Variants in FOXJ3 observed in about 807,000 individuals in gnomAD.
FOXJ3 encodes forkhead box J3.
A neutral mutation model predicts 76.1 loss-of-function variants in FOXJ3; 22 were observed. The ratio of observed to expected loss-of-function variants is 0.29; its 90% CI spans 0.21 to 0.41. The LOEUF is 0.41. Among genes scored for constraint, FOXJ3 ranks in the 10% least tolerant of loss-of-function variants. FOXJ3 has a pLI of 1.00. For synonymous variants in FOXJ3, 269 were observed against 261.2 expected (o/e 1.03, Z -0.29); for missense variants, 613 against 762.1 (o/e 0.80, Z 2.30).
chr1:42,189,889 T>C (rs749548511), intron 9 of FOXJ3: 8 of 153,858 alleles, frequency 5.2e-5, no homozygotes, highest in Non-Finnish European at 1.2e-4. Context: ...AGGCAACACA[T>C]AGTACAATTT....
At chr1:42,278,213 T>C (rs1652439696) in intron 3 of FOXJ3, 135 bp downstream of exon 3, 2 of 696,728 alleles carry the variant, frequency 2.9e-6, no homozygotes. Context: ...AGCTAAAAAC[T>C]TTTTGACATC....
At chr1:42,275,724 A>G (rs1022460453) in intron 3 of FOXJ3, among the ~76,000 whole-genome samples, 7 of 152,248 alleles carry the variant, frequency 4.6e-5, no homozygotes, top group African/African-American at 1.7e-4. Context: ...GATTTGTTGT[A>G]TAACATAAAT....
chr1:42,320,655 G>A (rs1655379028), intron 1 of FOXJ3, among the ~76,000 whole-genome samples: 1 of 151,918 alleles, frequency 6.6e-6, no homozygotes, highest in South Asian at 2.1e-4. Context: ...TATGTTTAAA[G>A]GTATATGAAA....
At chr1:42,199,499 T>C (rs1330580450) in intron 6 of FOXJ3, among the ~76,000 whole-genome samples, 1 of 152,154 alleles carries the variant, frequency 6.6e-6, no homozygotes, top group Non-Finnish European at 1.5e-5. Context: ...CCCATAAACA[T>C]TTAACAAGAG....
chr1:42,238,110 G>A (rs929939969), intron 4 of FOXJ3, among the ~76,000 whole-genome samples: 1 of 151,984 alleles, frequency 6.6e-6, no homozygotes, highest in African/African-American at 2.4e-5. Context: ...CTCACTCACT[G>A]CAACCTCCAC....
chr1:42,229,860 T>C (rs780775120), intron 4 of FOXJ3, among the ~76,000 whole-genome samples: 3 of 152,182 alleles, frequency 2.0e-5, no homozygotes, highest in African/African-American at 4.8e-5. Flanking sequence ...CATTGGACAA[T>C]AGTTTAAAAA....
chr1:42,222,028 G>GA (rs1366266260), intron 5 of FOXJ3, among the ~76,000 whole-genome samples: 1 of 1,996 alleles, frequency 5.0e-4, no homozygotes, highest in Non-Finnish European at 1.3e-3. Context: ...GAAGGGGGAG[G>GA]GGGAGGAGAA....
intron 3 of FOXJ3, among the ~76,000 whole-genome samples, chr1:42,277,881 G>A (rs1652404576): frequency 6.7e-6 from 1 of 149,562 alleles, no homozygotes. Context: ...GGAGGCTGAG[G>A]CAGGAGAATG....
intron 5 of FOXJ3, among the ~76,000 whole-genome samples, chr1:42,222,113 A>G (rs1647234418): frequency 6.7e-6 from 1 of 149,810 alleles, no homozygotes; most frequent in East Asian, 2.0e-4. Flanking sequence ...AAGAAGAAAT[A>G]AAAAGTTGAA....
rs540100273 is a variant in FOXJ3, at chr1:42,306,437, G to A, written c.44+4613C>T. On this transcript the variant is annotated intron_variant, in intron 2 of 12. Coordinates refer to ENST00000361346, the MANE Select transcript of FOXJ3 (RefSeq NM_014947.5). Reference sequence around the variant, plus strand: ...CCTGCCTCAGCCTCCCGAGTAGCTGGGACTACAGGCGAGTGCCACCACACC... The same window carrying A: ...CCTGCCTCAGCCTCCCGAGTAGCTGAGACTACAGGCGAGTGCCACCACACC... 7.0e-4 allele frequency among the ~76,000 whole-genome samples: 106 copies of A among 151,534 alleles called. 2 individuals are homozygous for A. The highest frequency in any genetic ancestry group is 2.5e-3 in the African/African-American group (102 of 41,272).
At chr1:42,226,212 G>A (rs1415436117) in intron 5 of FOXJ3, among the ~76,000 whole-genome samples, 4 of 149,024 alleles carry the variant, frequency 2.7e-5, no homozygotes, top group East Asian at 1.9e-4. Flanking sequence ...TATAAGCTGA[G>A]AGGAGTGCTT....
chr1:42,227,466 A>G (rs1198075632), intron 5 of FOXJ3, among the ~76,000 whole-genome samples: 3 of 152,268 alleles, frequency 2.0e-5, no homozygotes, highest in African/African-American at 7.2e-5. Flanking sequence ...TGTTGTGTAC[A>G]AAGTGACTAT....
At chr1:42,331,070 G>A (rs1298707168) in intron 1 of FOXJ3, among the ~76,000 whole-genome samples, 1 of 152,148 alleles carries the variant, frequency 6.6e-6, no homozygotes, top group African/African-American at 2.4e-5. Flanking sequence ...AATGAAAATG[G>A]GGAGGAGTTT....
At chr1:42,264,687 TAAG>T (rs1027049882) in intron 4 of FOXJ3, among the ~76,000 whole-genome samples, 4 of 152,144 alleles carry the variant, frequency 2.6e-5, no homozygotes, top group African/African-American at 9.6e-5. Context: ...TGTCAGGAGA[TAAG>T]AAGAGTCAAG....
At chr1:42,222,019 AAGGGGGAGGGGGAGGAGAAGGAGAAGG>A (rs1557649261) in intron 5 of FOXJ3, among the ~76,000 whole-genome samples, 1 of 2,612 alleles carries the variant, frequency 3.8e-4, no homozygotes, top group Non-Finnish European at 6.4e-4. Context: ...GGAGAAGGAG[AAGGGGGAGGGGGAGGAGAAGGAGAAGG>A]AGAAGAAGAA....
intron 2 of FOXJ3, among the ~76,000 whole-genome samples, chr1:42,309,097 AT>A (rs1388658627): frequency 2.6e-5 from 4 of 151,774 alleles, no homozygotes; most frequent in African/African-American, 4.8e-5. Context: ...ACGTAACTTC[AT>A]TGTTCATTTT....
chr1:42,182,535 T>C (rs1646345823), intron 11 of FOXJ3, among the ~76,000 whole-genome samples: 1 of 152,162 alleles, frequency 6.6e-6, no homozygotes, highest in South Asian at 2.1e-4. Context: ...TCTCACTCTG[T>C]CACCCAGGCT....
Position 42,191,312 on chromosome 1 carries a change from A to C in FOXJ3, c.1342T>G (p.Cys448Gly), listed in dbSNP as rs771361040. The C allele has an allele frequency of 6.5e-7, 1 of 1,538,532 alleles. No homozygotes were observed. The highest frequency in any genetic ancestry group is 8.8e-7 in the Non-Finnish European group (1 of 1,138,820). The change falls in exon 9 of 13, where the codon TGT (cysteine) becomes GGT (glycine). Residue 448 changes from cysteine (C) to glycine (G), a missense_variant. Cys to Gly is a radical substitution (Grantham distance 159, BLOSUM62 -3). Transcript: ENST00000361346. ...GGAGACAAAAACTTACCAGAATTAC[A>C]GGATACCTGTTGTGGGGGTGGGGGT... is the stretch of plus-strand genomic sequence containing the variant. ...QAPPPPQQVS[C>G]NSGVSNDWYA... is the part of the protein sequence containing the mutation.
In FOXJ3 at chr1:42,231,798, G is replaced by A. The variant is rs144617078; in HGVS notation, c.445-3832C>T. ...CCACAGGTCCACACCCCACCCCCACGCCTGTTTTTGTTTTGTTTTATACTT... is the reference window on the plus strand; with the variant it reads ...CCACAGGTCCACACCCCACCCCCACACCTGTTTTTGTTTTGTTTTATACTT... On this transcript the variant is annotated intron_variant, in intron 4 of 12. Coordinates refer to ENST00000361346, the MANE Select transcript of FOXJ3 (RefSeq NM_014947.5). Among the ~76,000 whole-genome samples the A allele has an allele frequency of 2.9e-3, 444 of 151,762 alleles. 1 individual carries two copies. The highest frequency in any genetic ancestry group is 9.9e-3 in the African/African-American group (411 of 41,388).
Sources: gnomAD v4.1 joint callset for allele counts (sites outside exome capture counted in the v4.1 genomes callset) on GRCh38, gnomAD v4.1.1 for gene constraint, MANE v1.5 for transcripts, NCBI Gene and HGNC (gene_info 2026-07-23, HGNC 2026-07-21) for gene names.